GLT6D1: variants seen among roughly 807,000 people sequenced by gnomAD.
GLT6D1 encodes the protein glycosyltransferase 6 domain containing 1, also known as putative glycosyltransferase 6 domain-containing protein 1.
Under a neutral mutation model 12.3 loss-of-function variants are expected in GLT6D1, and 9 were observed. The ratio of observed to expected loss-of-function variants is 0.73; its 90% confidence interval spans 0.44 to 1.27. GLT6D1 has a LOEUF of 1.27. Ranked by LOEUF, GLT6D1 falls within the 50% of genes most tolerant of loss-of-function variation. GLT6D1 has a pLI of 0.00. For missense variants in GLT6D1, 335 were observed against 346.2 expected (o/e 0.97, Z 0.26); for synonymous variants, 128 against 132.3 (o/e 0.97, Z 0.23).
chr9:135,625,598 G>T (rs1564272607), intron 4 of GLT6D1, among the ~76,000 whole-genome samples: 1 of 152,256 alleles, frequency 6.6e-6, no homozygotes, highest in East Asian at 1.9e-4. Flanking sequence ...CAGCTACTTA[G>T]GTCATAAGTC....
At chr9:135,628,212 ATTG>A (rs971196285) in intron 3 of GLT6D1, among the ~76,000 whole-genome samples, 4 of 151,668 alleles carry the variant, frequency 2.6e-5, no homozygotes, top group South Asian at 2.1e-4. Flanking sequence ...CCTATTTTTT[ATTG>A]TTGTTGTACT....
intron 2 of GLT6D1, among the ~76,000 whole-genome samples, chr9:135,635,252 C>G (rs953737747): frequency 1.3e-5 from 2 of 152,188 alleles, no homozygotes; most frequent in Admixed American, 1.3e-4. Flanking sequence ...CTTTGGCCAT[C>G]GGGAGCTCTC....
At chr9:135,628,799 T>C (rs1350233267) in intron 3 of GLT6D1, among the ~76,000 whole-genome samples, 1 of 152,088 alleles carries the variant, frequency 6.6e-6, no homozygotes, top group Non-Finnish European at 1.5e-5. Flanking sequence ...TCTTTAGTCT[T>C]TCTAGGAATT....
chr9:135,632,135 C>T (rs1395781833), intron 2 of GLT6D1, among the ~76,000 whole-genome samples: 2 of 64,928 alleles, frequency 3.1e-5, no homozygotes, highest in Admixed American at 1.8e-4. Context: ...ACCCTGGGAG[C>T]AATTTTTTTT....
In GLT6D1 at chr9:135,637,242, G is replaced by A. The variant is rs746298026; in HGVS notation, c.71+1875C>T. Among the ~76,000 whole-genome samples the A allele has an allele frequency of 9.3e-5, 14 of 150,408 alleles. 1 individual carries two copies. Among genetic ancestry groups the A allele is most frequent in the East Asian group, 3.9e-4 (2 of 5,136 alleles). On this transcript the variant is annotated intron_variant, in intron 2 of 4. Coordinates refer to ENST00000371763, the MANE Select transcript of GLT6D1 (RefSeq NM_182974.3). ...TCTCCTATTGAAAGTCGTCTTGTTC[G>A]TTTCTGGTTTTGAGCACTTCATGAA... is the stretch of plus-strand genomic sequence containing the variant.
upstream of GLT6D1, among the ~76,000 whole-genome samples, chr9:135,640,517 A>C (rs1340186694): frequency 2.0e-5 from 3 of 151,980 alleles, no homozygotes; most frequent in Non-Finnish European, 2.9e-5. Context: ...TCAGGAGTTC[A>C]AGACCAGCAG....
Position 135,624,484 on chromosome 9 carries a change from CA to C in GLT6D1, c.443del (p.Leu148ArgfsTer4). 2.5e-6 allele frequency: 4 copies of C among 1,610,416 alleles called. No homozygotes were observed. The highest frequency in any genetic ancestry group is 3.4e-6 in the Non-Finnish European group (4 of 1,178,250). On this transcript the variant is annotated frameshift_variant, in exon 5 of 5. Transcript: ENST00000371763. LOFTEE classifies it low-confidence loss of function (END_TRUNC). ...GTTCACCCAGGCTCTTCACATGCAC[CA>C]GGGGGCCATCGAGCCACCACCTCTC... ...GTERWWLDGP[L>X]VHVKSLGEHI... is the part of the protein sequence containing the mutation.
upstream of GLT6D1, chr9:135,639,674 G>A (rs1214786952): frequency 6.5e-6 from 1 of 152,742 alleles, no homozygotes; most frequent in Non-Finnish European, 1.5e-5. Flanking sequence ...AACGGAGAAT[G>A]AAGTCTACAT....
intron 2 of GLT6D1, among the ~76,000 whole-genome samples, chr9:135,637,505 C>CCAG (rs563289614): frequency 2.6e-5 from 4 of 152,046 alleles, no homozygotes; most frequent in South Asian, 4.2e-4. Context: ...TGCATTCCCA[C>CCAG]CAGCAATGAA....
intron 3 of GLT6D1, among the ~76,000 whole-genome samples, chr9:135,630,378 C>T (rs1403053504): frequency 6.7e-6 from 1 of 149,374 alleles, no homozygotes; most frequent in Non-Finnish European, 1.5e-5. Flanking sequence ...GCACCCCAGC[C>T]TGGGCAACAG....
At position 135,624,464 on chromosome 9, in the gene GLT6D1, C is replaced by G. The variant is rs1376894106; in HGVS notation, c.464G>C (p.Gly155Ala). The change falls in exon 5 of 5, where the codon GGT becomes GCT. Residue 155 changes from glycine (G) to alanine (A), a missense_variant. By Grantham distance (60) the Gly-to-Ala change is moderately conservative. Transcript: ENST00000371763. ...CTGGATGTGACTGGCGATGTGTTCA[C>G]CCAGGCTCTTCACATGCACCAGGGG... is the stretch of plus-strand genomic sequence containing the variant. ...DGPLVHVKSL[G>A]EHIASHIQDE... 3.1e-6 allele frequency: 5 copies of G among 1,614,070 alleles called. No individual in the cohort carries two copies. The Admixed American group carries it at 8.3e-5, about 27-fold the overall frequency.
At chr9:135,637,147 C>T (rs548708200) in intron 2 of GLT6D1, among the ~76,000 whole-genome samples, 60 of 151,968 alleles carry the variant, frequency 3.9e-4, no homozygotes, top group African/African-American at 1.4e-3. Context: ...CCACCGTGCC[C>T]GGCCAGCTCA....
At chr9:135,634,530 T>A (rs1343680653) in intron 2 of GLT6D1, among the ~76,000 whole-genome samples, 1 of 146,438 alleles carries the variant, frequency 6.8e-6, no homozygotes, top group Non-Finnish European at 1.5e-5. Flanking sequence ...TAGAGAAGAT[T>A]CAGCTTTACA....
intron 2 of GLT6D1, among the ~76,000 whole-genome samples, chr9:135,634,006 C>A (rs1416499456): frequency 6.6e-6 from 1 of 152,190 alleles, no homozygotes; most frequent in Non-Finnish European, 1.5e-5. Context: ...ATTACTCCAT[C>A]ATTATCCTCA....
At chr9:135,631,619 T>G in intron 2 of GLT6D1, 141 bp from the exon 3 acceptor site, 1 of 703,562 alleles carries the variant, frequency 1.4e-6, no homozygotes, top group African/African-American at 1.8e-5. Context: ...AGAGAAGAGA[T>G]ATCTCAGCTG....
In GLT6D1 at chr9:135,624,212, A is replaced by T. The variant is rs779911030; in HGVS notation, c.716T>A (p.Ile239Asn). ...CAGATATTCTTTGATGAAGTCTAAA[A>T]TATTATGGGGTGTGCCACCAACCAT... ...NLMVGGTPHN[I>N]LDFIKEYLNG... is the part of the protein sequence containing the mutation. The change falls in exon 5 of 5, where the codon ATT (isoleucine) becomes AAT (asparagine). Residue 239 changes from isoleucine (I) to asparagine (N), a missense_variant. Coordinates refer to ENST00000371763, the MANE Select transcript of GLT6D1 (RefSeq NM_182974.3). 5.0e-6 allele frequency: 8 copies of T among 1,611,046 alleles called. No individual in the cohort carries two copies. In the East Asian group the frequency reaches 1.8e-4, roughly 36 times the overall value.
Position 135,624,253 on chromosome 9 carries a change from G to C in GLT6D1, c.675C>G (p.Phe225Leu). Residue 225 changes from phenylalanine (F) to leucine (L), a missense_variant, in exon 5 of 5, where the codon TTC (phenylalanine) becomes TTG (leucine). Coordinates refer to ENST00000371763, the MANE Select transcript of GLT6D1 (RefSeq NM_182974.3). ...AACIPFGQGD[F>L]YYGNLMVGGT... ...CACCAACCATCAAGTTGCCATAATA[G>C]AAATCTCCCTGTCCAAACGGGATGC... The C allele has an allele frequency of 6.2e-7, 1 of 1,605,088 alleles. No individual in the cohort carries two copies. The highest frequency in any genetic ancestry group is 8.5e-7 in the Non-Finnish European group (1 of 1,176,398).
At chr9:135,640,576 C>G (rs973709493), upstream of GLT6D1, among the ~76,000 whole-genome samples, 4 of 151,900 alleles carry the variant, frequency 2.6e-5, no homozygotes, top group Non-Finnish European at 4.4e-5. Flanking sequence ...AAAAATTAGC[C>G]AGGTGTGGTG....
chr9:135,639,388 C>A lies in GLT6D1; in HGVS notation c.-102G>T. 1 of 470,700 alleles carries A rather than the reference C, an allele frequency of 2.1e-6. No individual in the cohort carries two copies. The highest frequency in any genetic ancestry group is 2.9e-5 in the South Asian group (1 of 34,624). The allele number at this position is 470,700 out of a possible 1,614,324, so 29.2% of individuals were successfully genotyped here. ...CTTCAAGTGCCCGGGGCTGACTGTT[C>A]CCCGTGGGTCAGCTGCACGTGCACT... On this transcript the variant is annotated 5_prime_UTR_variant, in exon 1 of 5. Transcript: ENST00000371763.
Sources: gnomAD v4.1 joint callset for allele counts (sites outside exome capture counted in the v4.1 genomes callset) on GRCh38, gnomAD v4.1.1 for gene constraint, MANE v1.5 for transcripts, NCBI Gene and HGNC (gene_info 2026-07-23, HGNC 2026-07-21) for gene names.